TENM3: variants seen among roughly 807,000 people sequenced by gnomAD.
TENM3 encodes teneurin-3.
In TENM3, 63 loss-of-function variants were observed where a neutral mutation model predicts 255.1. The observed-to-expected ratio is 0.25, with a 90% CI of 0.20 to 0.30. TENM3 has a LOEUF of 0.30. TENM3 is among the 10% of genes least tolerant of loss of function. The pLI is 1.00. For missense variants in TENM3, 2,929 were observed against 3,461.1 expected (o/e 0.85, Z 3.86); for synonymous variants, 1,306 against 1,322.3 (o/e 0.99, Z 0.27).
At position 182,793,771 on chromosome 4, in the gene TENM3, C is replaced by G; in HGVS notation, c.7099C>G (p.Pro2367Ala). 1 of 1,613,906 alleles carries G rather than the reference C, an allele frequency of 6.2e-7. No homozygotes were observed. The highest frequency in any genetic ancestry group is 8.5e-7 in the Non-Finnish European group (1 of 1,179,862). Residue 2367 changes from proline (P) to alanine (A), a missense_variant, in exon 26 of 28, where the codon CCT becomes GCT. By Grantham distance (27) the Pro-to-Ala change is conservative. Around this residue, in one of 6 missense-constraint regions of TENM3, gnomAD observed 476 missense variants for 480.1 expected, o/e 0.99. Transcript: ENST00000511685. This position sits in a 1 kb window ranked among gnomAD's most constrained non-coding sequence, Gnocchi z 5.7. ...CATTTTGGCAGGACGGTGGACAACA[C>G]CTGACATAGAAATCTGGAAAAGAAT... ...YDILAGRWTT[P>A]DIEIWKRIGK...
At chr4:181,683,748 C>T in the TENM3 span, among the ~76,000 whole-genome samples, 1 of 152,100 alleles carries the variant, frequency 6.6e-6, no homozygotes, top group Non-Finnish European at 1.5e-5. Flanking sequence ...GCAGAGTCCT[C>T]ATAGAGAGTG....
the TENM3 span, among the ~76,000 whole-genome samples, chr4:181,988,208 A>G: frequency 6.6e-6 from 1 of 151,896 alleles, no homozygotes; most frequent in African/African-American, 2.4e-5. Flanking sequence ...AATGTTCCCT[A>G]ATTCCTTTCA....
At chr4:182,272,275 A>G (rs1299223358) in intron 1 of TENM3, among the ~76,000 whole-genome samples, 2 of 152,226 alleles carry the variant, frequency 1.3e-5, no homozygotes, top group Non-Finnish European at 2.9e-5. Flanking sequence ...ATTAGTAAGC[A>G]AGCAAAATAA....
the TENM3 span, among the ~76,000 whole-genome samples, chr4:181,930,856 T>C: frequency 6.6e-6 from 1 of 152,198 alleles, no homozygotes; most frequent in Admixed American, 6.5e-5. Context: ...CAAGGCTGGT[T>C]CAGCATACAC....
chr4:182,683,442 G>C (rs1286179533), intron 11 of TENM3, among the ~76,000 whole-genome samples: 1 of 152,132 alleles, frequency 6.6e-6, no homozygotes, highest in Non-Finnish European at 1.5e-5. Flanking sequence ...TGTATTTTCA[G>C]ATTAGGGATG....
chr4:182,085,397 T>G, the TENM3 span, among the ~76,000 whole-genome samples: 2 of 152,180 alleles, frequency 1.3e-5, no homozygotes, highest in East Asian at 3.9e-4. Flanking sequence ...TAGTCACCAA[T>G]GGCAGGCCCA....
intron 1 of TENM3, among the ~76,000 whole-genome samples, chr4:182,193,360 G>A (rs1753640680): frequency 6.6e-6 from 1 of 152,178 alleles, no homozygotes; most frequent in Non-Finnish European, 1.5e-5. Flanking sequence ...ACCTTTGTCA[G>A]AGTTATAATA....
the TENM3 span, among the ~76,000 whole-genome samples, chr4:181,628,939 T>C: frequency 9.8e-5 from 15 of 152,342 alleles, no homozygotes; most frequent in African/African-American, 3.6e-4. Flanking sequence ...ATGGCCATTT[T>C]CACGATATTG....
At chr4:181,543,201 A>C in the TENM3 span, among the ~76,000 whole-genome samples, 5 of 152,160 alleles carry the variant, frequency 3.3e-5, no homozygotes, top group African/African-American at 1.2e-4. Flanking sequence ...TTTGTCCAGA[A>C]ATTCCTTCAA....
At chr4:182,645,981 A>T (rs1221396076) in intron 5 of TENM3, among the ~76,000 whole-genome samples, 2 of 152,140 alleles carry the variant, frequency 1.3e-5, no homozygotes, top group African/African-American at 4.8e-5. Context: ...GTGGCTTAAC[A>T]TGATGGTTTA....
the TENM3 span, among the ~76,000 whole-genome samples, chr4:181,903,539 C>T: frequency 1.1e-4 from 17 of 152,298 alleles, no homozygotes; most frequent in East Asian, 9.7e-4. Context: ...ATCTCTCCAA[C>T]GGAACACATC....
intron 12 of TENM3, among the ~76,000 whole-genome samples, chr4:182,704,599 A>G (rs2152650015): frequency 6.6e-6 from 1 of 152,348 alleles, no homozygotes; most frequent in Middle Eastern, 3.4e-3. Context: ...CTTGGTATAA[A>G]TACCGTTCCA....
intron 1 of TENM3, among the ~76,000 whole-genome samples, chr4:182,314,120 G>A (rs983048740): frequency 2.0e-5 from 3 of 152,174 alleles, no homozygotes; most frequent in Admixed American, 6.5e-5. Context: ...AGACCATGAT[G>A]AAACCCTGTC....
chr4:182,786,683 G>A (rs12508106), intron 24 of TENM3, among the ~76,000 whole-genome samples: 15,647 of 151,902 alleles, frequency 0.1, 1,087 homozygotes, highest in Admixed American at 0.16. Flanking sequence ...GGGAAATACC[G>A]CAGAGATGAA....
chr4:182,731,709 G>A (rs1429886493), intron 16 of TENM3, among the ~76,000 whole-genome samples: 3 of 148,234 alleles, frequency 2.0e-5, no homozygotes, highest in African/African-American at 7.7e-5. Flanking sequence ...GTGTGTGTGT[G>A]TGTGTGTGTG....
chr4:182,421,978 G>A (rs866977354), intron 3 of TENM3, among the ~76,000 whole-genome samples: 1 of 152,108 alleles, frequency 6.6e-6, no homozygotes, highest in Non-Finnish European at 1.5e-5. Context: ...GGCAGTTTCC[G>A]TGCGAAATGA....
the TENM3 span, among the ~76,000 whole-genome samples, chr4:181,757,393 T>G: frequency 7.9e-5 from 12 of 152,322 alleles, 1 homozygote; most frequent in East Asian, 1.9e-3. Context: ...TAGCATTGCA[T>G]GCTGTCATAT....
At chr4:182,310,864 G>T (rs1250532197) in intron 1 of TENM3, among the ~76,000 whole-genome samples, 1 of 152,034 alleles carries the variant, frequency 6.6e-6, no homozygotes, top group Non-Finnish European at 1.5e-5. Context: ...GTGTCACCAG[G>T]CCCAACTAAT....
chr4:182,217,009 C>CTTTTTTTTTTTTTTTTTT lies in TENM3; in HGVS notation c.-76+72269_-76+72286dup, dbSNP rs3071526. Among the ~76,000 whole-genome samples, 2 of 67,508 alleles carry CTTTTTTTTTTTTTTTTTT rather than the reference C, an allele frequency of 3.0e-5. 1 individual carries two copies. Among genetic ancestry groups the CTTTTTTTTTTTTTTTTTT allele is most frequent in the African/African-American group, 1.1e-4 (2 of 18,304 alleles). The allele number at this position is 67,508 out of a possible 152,430, so 44.3% of individuals were successfully genotyped here. A position where few individuals can be genotyped will look rare whatever the true frequency, so the allele number is the denominator to read the frequency against. On this transcript the variant is annotated intron_variant, in intron 1 of 2. Transcript: ENST00000512480. ...TCTAAATTTCACCATCATTTTCTTT[C>CTTTTTTTTTTTTTTTTTT]TTTTTTTTTTTTTTTTTTTTTTTTT...
Sources: allele counts gnomAD v4.1 joint callset (sites outside exome capture counted in the v4.1 genomes callset), GRCh38; gene constraint gnomAD v4.1.1; regional missense constraint gnomAD v4.1.1; non-coding constraint Gnocchi (gnomAD v3.1); transcripts MANE v1.5; gene names NCBI Gene and HGNC (gene_info 2026-07-23, HGNC 2026-07-21).